Variants in POLR3GL observed in about 807,000 individuals in gnomAD.
POLR3GL encodes the protein RNA polymerase III subunit GL, also known as DNA-directed RNA polymerase III subunit RPC7-like.
In POLR3GL, 26 loss-of-function variants were observed where a neutral mutation model predicts 32.4. The observed-to-expected ratio is 0.80, with a 90% CI of 0.59 to 1.11. POLR3GL has a LOEUF of 1.11. POLR3GL is among the 50% of genes most tolerant of loss of function. The probability of loss-of-function intolerance (pLI) is 0.00; values close to 1 mark genes in which losing one functional copy is unlikely to be tolerated. For missense variants in POLR3GL, 229 were observed against 280.1 expected (o/e 0.82, Z 1.30); for synonymous variants, 95 against 98.7 (o/e 0.96, Z 0.22).
chr1:145,966,876 T>A (rs587649258), intron 1 of POLR3GL, among the ~76,000 whole-genome samples: 5 of 152,324 alleles, frequency 3.3e-5, no homozygotes, highest in African/African-American at 1.2e-4. Context: ...TTTCAGTTAT[T>A]TCAGAATTTT....
intron 1 of POLR3GL, among the ~76,000 whole-genome samples, chr1:145,967,761 C>A (rs896505684): frequency 6.6e-6 from 1 of 152,108 alleles, no homozygotes; most frequent in Admixed American, 6.5e-5. Context: ...ATTTAAACCC[C>A]GTGGGTGCAG....
chr1:145,976,091 A>G (rs1650540529), intron 3 of POLR3GL, among the ~76,000 whole-genome samples: 7 of 152,128 alleles, frequency 4.6e-5, no homozygotes. Flanking sequence ...CCTAGCCAAT[A>G]CGGTGAAACC....
At position 145,977,373 on chromosome 1, in the gene POLR3GL, G is replaced by T. The variant is rs2296959; in HGVS notation, c.326-110G>T. 7.2e-3 allele frequency: 8,163 copies of T among 1,133,940 alleles called. 406 individuals carry two copies. The East Asian group carries it at 0.13, about 18-fold the overall frequency. The allele number at this position is 1,133,940 out of a possible 1,614,324, so 70.2% of individuals were successfully genotyped here. On this transcript the variant is annotated intron_variant, in intron 4 of 7. Coordinates refer to ENST00000369314, the MANE Select transcript of POLR3GL (RefSeq NM_032305.3). ...CAAGCCACTGAACAACTTTGGCCCAGCCCCTTCCTTCCTCTCCTTTAAAAC... is the reference window on the plus strand; with the variant it reads ...CAAGCCACTGAACAACTTTGGCCCATCCCCTTCCTTCCTCTCCTTTAAAAC...
intron 1 of POLR3GL, among the ~76,000 whole-genome samples, chr1:145,970,780 G>A (rs1650242743): frequency 1.3e-5 from 2 of 149,936 alleles, no homozygotes; most frequent in African/African-American, 4.9e-5. Flanking sequence ...GGAGGCTGAG[G>A]CAGGAGAATC....
At chr1:145,964,978 C>G (rs951769003) in intron 1 of POLR3GL, among the ~76,000 whole-genome samples, 1 of 152,156 alleles carries the variant, frequency 6.6e-6, no homozygotes, top group Non-Finnish European at 1.5e-5. Flanking sequence ...AAGCAGAAAA[C>G]GAGACAGCCT....
At chr1:145,965,910 G>T (rs1237233174) in intron 1 of POLR3GL, among the ~76,000 whole-genome samples, 1 of 151,904 alleles carries the variant, frequency 6.6e-6, no homozygotes, top group African/African-American at 2.4e-5. Flanking sequence ...GAGGTCGGGA[G>T]TTGGAGACCA....
intron 1 of POLR3GL, among the ~76,000 whole-genome samples, chr1:145,972,005 T>C (rs1241081948): frequency 7.9e-6 from 1 of 127,124 alleles, no homozygotes; most frequent in Non-Finnish European, 1.6e-5. Context: ...TATATATATA[T>C]ATATATACGT....
At chr1:145,970,167 T>C (rs1318173441) in intron 1 of POLR3GL, among the ~76,000 whole-genome samples, 1 of 152,220 alleles carries the variant, frequency 6.6e-6, no homozygotes, top group African/African-American at 2.4e-5. Context: ...CTTTTTGTTT[T>C]GAGACAAGGT....
intron 3 of POLR3GL, among the ~76,000 whole-genome samples, chr1:145,976,404 C>T (rs1559256797): frequency 6.6e-6 from 1 of 150,862 alleles, no homozygotes; most frequent in African/African-American, 2.4e-5. Context: ...TAGTGAAACC[C>T]CGTCTCTACA....
chr1:145,978,687 G>A lies in POLR3GL; in HGVS notation c.*240G>A, dbSNP rs1650679065. 6.0e-6 allele frequency: 3 copies of A among 502,112 alleles called. No individual in the cohort carries two copies. The highest frequency in any genetic ancestry group is 1.1e-5 in the Non-Finnish European group (3 of 282,824). The allele number at this position is 502,112 out of a possible 1,614,324, so 31.1% of individuals were successfully genotyped here. ...CAAACATCTCAATTGTATGAAGGGA[G>A]AAAGGAGAATTGAAAGAAGAACTGG... On this transcript the variant is annotated 3_prime_UTR_variant, in exon 8 of 8. Coordinates refer to ENST00000369314, the MANE Select transcript of POLR3GL (RefSeq NM_032305.3).
chr1:145,971,989 A>AAAAAATATATAT (rs1650334594), intron 1 of POLR3GL, among the ~76,000 whole-genome samples: 1 of 66,966 alleles, frequency 1.5e-5, no homozygotes. Flanking sequence ...AAAAAAAAAA[A>AAAAAATATATAT]ATATATATAT....
chr1:145,977,160 A>G lies in POLR3GL; in HGVS notation c.325+8A>G, dbSNP rs1553763545. On this transcript the variant is annotated splice_region_variant and intron_variant, in intron 4 of 7. Coordinates refer to ENST00000369314, the MANE Select transcript of POLR3GL (RefSeq NM_032305.3). ...CCATCGATTGGAACCCTGGTAGGTG[A>G]TGGGCCCTTTCATTGACTGCCCTTC... 1 of 1,611,350 alleles carries G rather than the reference A, an allele frequency of 6.2e-7. No individual in the cohort carries two copies. The highest frequency in any genetic ancestry group is 1.1e-5 in the South Asian group (1 of 91,020).
chr1:145,978,745 C>T lies in POLR3GL; in HGVS notation c.*298C>T, dbSNP rs1188325231. The T allele has an allele frequency of 3.3e-5, 11 of 335,198 alleles. No individual in the cohort carries two copies. Among genetic ancestry groups the T allele is most frequent in the Non-Finnish European group, 4.9e-5 (9 of 182,998 alleles). 20.8% of individuals were successfully genotyped at this position (335,198 alleles called of 1,614,324 possible). ...AGAGCTGAGATGACTGTACACATAC[C>T]CCTGCCCAATTTATATAGCTCTTTG... On this transcript the variant is annotated 3_prime_UTR_variant, in exon 8 of 8. Coordinates refer to ENST00000369314, the MANE Select transcript of POLR3GL (RefSeq NM_032305.3).
At chr1:145,972,887 G>A (rs755650824) in intron 1 of POLR3GL, among the ~76,000 whole-genome samples, 2 of 151,950 alleles carry the variant, frequency 1.3e-5, no homozygotes, top group African/African-American at 4.8e-5. Flanking sequence ...TTGTAAAGAC[G>A]AGGTTTTGCC....
chr1:145,972,290 G>C (rs985446522), intron 1 of POLR3GL, among the ~76,000 whole-genome samples: 13 of 150,952 alleles, frequency 8.6e-5, no homozygotes, highest in African/African-American at 3.2e-4. Flanking sequence ...TGAGGCAGGA[G>C]AATCTCTTGA....
chr1:145,978,643 T>C lies in POLR3GL; in HGVS notation c.*196T>C, dbSNP rs1201256738. On this transcript the variant is annotated 3_prime_UTR_variant, in exon 8 of 8. Transcript: ENST00000369314. ...CCACATTTGTATCACCTTTGCTATC[T>C]TGGGGAAAGTGCAAAGGACAAACAT... 1 of 587,818 alleles carries C rather than the reference T, an allele frequency of 1.7e-6. No homozygotes were observed. The allele number at this position is 587,818 out of a possible 1,614,324, so 36.4% of individuals were successfully genotyped here.
chr1:145,978,352 C>G lies in POLR3GL; in HGVS notation c.571-9C>G. ...AAATTGACTTTTACTTTTTTTTTTT[C>G]CATTTCAGGAAACTGATTACATCAT... is the stretch of plus-strand genomic sequence containing the variant. On this transcript the variant is annotated splice_polypyrimidine_tract_variant and intron_variant, in intron 7 of 7. Coordinates refer to ENST00000369314, the MANE Select transcript of POLR3GL (RefSeq NM_032305.3). 1 of 915,990 alleles carries G rather than the reference C, an allele frequency of 1.1e-6. No individual in the cohort carries two copies. Among genetic ancestry groups the G allele is most frequent in the South Asian group, 1.5e-5 (1 of 67,004 alleles). The allele number at this position is 915,990 out of a possible 1,614,324, so 56.7% of individuals were successfully genotyped here.
intron 4 of POLR3GL, 89 bp from the exon 5 acceptor site, chr1:145,977,393 TA>T: frequency 1.5e-6 from 2 of 1,333,360 alleles, no homozygotes; most frequent in Non-Finnish European, 2.1e-6. Flanking sequence ...TCCTCTCCTT[TA>T]AAACCCTCAC....
intron 1 of POLR3GL, among the ~76,000 whole-genome samples, chr1:145,974,030 G>A (rs1246051627): frequency 1.3e-5 from 2 of 151,588 alleles, no homozygotes; most frequent in Non-Finnish European, 2.9e-5. Flanking sequence ...TACTTGGGAG[G>A]CTAAGGCAGG....
Sources: allele counts gnomAD v4.1 joint callset (sites outside exome capture counted in the v4.1 genomes callset), GRCh38; gene constraint gnomAD v4.1.1; transcripts MANE v1.5; gene names NCBI Gene and HGNC (gene_info 2026-07-23, HGNC 2026-07-21).